Variants in ISLR2 observed in about 807,000 individuals in gnomAD.
The protein encoded by ISLR2 is immunoglobulin superfamily containing leucine-rich repeat protein 2.
A neutral mutation model predicts 25.5 loss-of-function variants in ISLR2; 16 were observed. The ratio of observed to expected loss-of-function variants is 0.63; its 90% confidence interval spans 0.43 to 0.95. ISLR2 has a LOEUF of 0.95. Ranked by LOEUF, ISLR2 falls within the 40% of genes least tolerant of loss-of-function variation. ISLR2 has a pLI of 0.00. For synonymous variants in ISLR2, 508 were observed against 486.6 expected (o/e 1.04, Z -0.58); for missense variants, 883 against 1,030.7 (o/e 0.86, Z 1.96).
intron 2 of ISLR2, among the ~76,000 whole-genome samples, chr15:74,108,779 G>A (rs1475278795): frequency 6.6e-6 from 1 of 152,218 alleles, no homozygotes; most frequent in Non-Finnish European, 1.5e-5. Context: ...AGACTATGAG[G>A]TGCCCTCTGG....
At chr15:74,130,420 C>G (rs1172437105), upstream of ISLR2, 3 of 152,170 alleles carry the variant, frequency 2.0e-5, no homozygotes, top group African/African-American at 4.8e-5. Flanking sequence ...GGGTCCCGCT[C>G]GAAGTCTGTC....
chr15:74,128,195 G>A, upstream of ISLR2: 1 of 317,942 alleles, frequency 3.1e-6, no homozygotes, highest in Non-Finnish European at 6.0e-6. Context: ...GAGCTCGGAG[G>A]CAGATCCAGA....
chr15:74,109,199 T>A (rs1283184123), intron 2 of ISLR2, among the ~76,000 whole-genome samples: 1 of 152,190 alleles, frequency 6.6e-6, no homozygotes, highest in African/African-American at 2.4e-5. Flanking sequence ...CACAAGATAG[T>A]ATCCTTCCCC....
At position 74,134,615 on chromosome 15, in the gene ISLR2, C is replaced by T. The variant is rs1338837287; in HGVS notation, c.1861C>T (p.Pro621Ser). The T allele has an allele frequency of 5.6e-6, 9 of 1,614,010 alleles. No individual in the cohort carries two copies. Among genetic ancestry groups the T allele is most frequent in the Non-Finnish European group, 7.6e-6 (9 of 1,180,038 alleles). ...AACCHLLAKH[P>S]GKPYRLILRP... Reference sequence around the variant, plus strand: ...CTGCTGCCATCTGCTGGCTAAACACCCGGGCAAGCCCTACCGTCTGATCCT... The same window carrying T: ...CTGCTGCCATCTGCTGGCTAAACACTCGGGCAAGCCCTACCGTCTGATCCT... The change falls in exon 3 of 3, where the codon CCG (proline) becomes TCG (serine). Residue 621 changes from proline to serine, a missense_variant. Pro to Ser is a moderately conservative substitution (Grantham distance 74). Coordinates refer to ENST00000453268, the MANE Select transcript of ISLR2 (RefSeq NM_020851.3).
At chr15:74,104,151 CCA>C (rs2072101985) in intron 2 of ISLR2, among the ~76,000 whole-genome samples, 1 of 152,160 alleles carries the variant, frequency 6.6e-6, no homozygotes, top group Non-Finnish European at 1.5e-5. Context: ...TAACATTGTT[CCA>C]GAGGGTTTTA....
chr15:74,119,740 A>G (rs1276035375), intron 2 of ISLR2, among the ~76,000 whole-genome samples: 1 of 152,254 alleles, frequency 6.6e-6, no homozygotes, highest in Non-Finnish European at 1.5e-5. Flanking sequence ...TTTGTCAATT[A>G]TACTTTAATA....
At chr15:74,111,738 T>A (rs1295017673) in intron 2 of ISLR2, among the ~76,000 whole-genome samples, 1 of 152,182 alleles carries the variant, frequency 6.6e-6, no homozygotes, top group Non-Finnish European at 1.5e-5. Flanking sequence ...GCCTGGCTAA[T>A]TTTTCCATTT....
intron 2 of ISLR2, among the ~76,000 whole-genome samples, chr15:74,122,436 G>C (rs1254267726): frequency 1.3e-5 from 2 of 152,238 alleles, no homozygotes; most frequent in East Asian, 3.8e-4. Context: ...TGACTGCTGT[G>C]CATCTGTGGA....
chr15:74,112,542 TTG>T (rs2072176313), intron 2 of ISLR2, among the ~76,000 whole-genome samples: 9 of 151,544 alleles, frequency 5.9e-5, no homozygotes, highest in Non-Finnish European at 3.0e-5. Flanking sequence ...TTTTTTTTTT[TTG>T]GAAATGGATT....
upstream of ISLR2, chr15:74,129,442 G>T (rs949488947): frequency 5.2e-6 from 1 of 193,616 alleles, no homozygotes; most frequent in Non-Finnish European, 1.1e-5. The surrounding 1 kb of genome is among the most constrained non-coding windows in gnomAD (Gnocchi z 4.5). Context: ...CATGGCCCGG[G>T]GTGATGGCTG....
In ISLR2 at chr15:74,134,144, C is replaced by A. The variant is rs1010480918; in HGVS notation, c.1390C>A (p.Pro464Thr). The change falls in exon 3 of 3, where the codon CCC becomes ACC. Residue 464 changes from proline (P) to threonine (T), a missense_variant. Transcript: ENST00000453268. ...GGAGCAGCGCTGTGGCAACGGGGACCCCTCTCGGTACGTTTCTAACCACGC... is the reference window on the plus strand; with the variant it reads ...GGAGCAGCGCTGTGGCAACGGGGACACCTCTCGGTACGTTTCTAACCACGC... ...AEEQRCGNGD[P>T]SRYVSNHAFN... The A allele has an allele frequency of 6.2e-7, 1 of 1,613,486 alleles. No individual in the cohort carries two copies. Among genetic ancestry groups the A allele is most frequent in the Admixed American group, 1.7e-5 (1 of 59,952 alleles).
rs773536243 is a variant in ISLR2, at chr15:74,119,385, A to T, written n.229-11822A>T. ...ACCACCATGCCTGGCTAATTTTTAAATTTTTTGTAGAAATTGGATCTCCCT... is the reference window on the plus strand; with the variant it reads ...ACCACCATGCCTGGCTAATTTTTAATTTTTTTGTAGAAATTGGATCTCCCT... On this transcript the variant is annotated intron_variant and non_coding_transcript_variant, in intron 2 of 3. Coordinates refer to the ISLR2 transcript ENST00000561975. Among the ~76,000 whole-genome samples, 139 of 152,074 alleles carry T rather than the reference A, an allele frequency of 9.1e-4. 1 individual carries two copies. Among genetic ancestry groups the T allele is most frequent in the Non-Finnish European group, 1.6e-3 (106 of 67,986 alleles).
chr15:74,110,229 C>T (rs190084561), intron 2 of ISLR2, among the ~76,000 whole-genome samples: 21 of 152,210 alleles, frequency 1.4e-4, no homozygotes, highest in Admixed American at 7.9e-4. Flanking sequence ...CAAATAATGG[C>T]GAGGATGCAG....
At position 74,134,458 on chromosome 15, in the gene ISLR2, G is replaced by A; in HGVS notation, c.1704G>A (p.Leu568=). The change falls in exon 3 of 3, where the codon CTG becomes CTA. Residue 568 remains leucine (L), a synonymous_variant. Coordinates refer to ENST00000453268, the MANE Select transcript of ISLR2 (RefSeq NM_020851.3). Reference sequence around the variant, plus strand: ...CGGGTACCAACTACTCCGTGTGCCTGGCGCTGGCGGGCGAAGCCTGCCACG... The same window carrying A: ...CGGGTACCAACTACTCCGTGTGCCTAGCGCTGGCGGGCGAAGCCTGCCACG... ...LRPGTNYSVC[L]ALAGEACHVQ... 1 of 1,607,180 alleles carries A rather than the reference G, an allele frequency of 6.2e-7. No homozygotes were observed. The highest frequency in any genetic ancestry group is 8.5e-7 in the Non-Finnish European group (1 of 1,178,288).
At chr15:74,127,967 G>T (rs2072321163), upstream of ISLR2, 1 of 164,598 alleles carries the variant, frequency 6.1e-6, no homozygotes. Context: ...CTGCGCTAGC[G>T]GCTTGGAACC....
At position 74,133,057 on chromosome 15, in the gene ISLR2, C is replaced by G. The variant is rs2072464020; in HGVS notation, c.303C>G (p.Leu101=). 3 of 1,613,148 alleles carry G rather than the reference C, an allele frequency of 1.9e-6. No homozygotes were observed. Among genetic ancestry groups the G allele is most frequent in the Non-Finnish European group, 2.5e-6 (3 of 1,179,972 alleles). ...GCGCACTGGCCGTGCTGAGTCAGCTCAAGAACCTCGATCTGAGCCACAACT... is the reference window on the plus strand; with the variant it reads ...GCGCACTGGCCGTGCTGAGTCAGCTGAAGAACCTCGATCTGAGCCACAACT... ...EPGALAVLSQ[L]KNLDLSHNFI... Residue 101 remains leucine (L), a synonymous_variant, in exon 3 of 3, where the codon CTC becomes CTG. Transcript: ENST00000453268.
At chr15:74,111,627 C>CA (rs2072168731) in intron 2 of ISLR2, among the ~76,000 whole-genome samples, 1 of 151,210 alleles carries the variant, frequency 6.6e-6, no homozygotes, top group Non-Finnish European at 1.5e-5. Context: ...TTCATTCATT[C>CA]TTTGAGACAG....
rs1293402732 is a variant in ISLR2, at chr15:74,136,754, C to G, written c.*1762C>G. The G allele has an allele frequency of 6.0e-6, 1 of 167,148 alleles. No homozygotes were observed. Among genetic ancestry groups the G allele is most frequent in the Non-Finnish European group, 1.5e-5 (1 of 68,210 alleles). The allele number at this position is 167,148 out of a possible 1,614,324, so 10.4% of individuals were successfully genotyped here. ...ACGGAGTAGCCCCCCGGAGCCCGTG[C>G]CCTTTTCTAAACGCGTCTGTATGCA... On this transcript the variant is annotated 3_prime_UTR_variant, in exon 3 of 3. Coordinates refer to ENST00000453268, the MANE Select transcript of ISLR2 (RefSeq NM_020851.3).
intron 2 of ISLR2, among the ~76,000 whole-genome samples, chr15:74,120,572 A>T (rs1396352607): frequency 6.6e-6 from 1 of 150,440 alleles, no homozygotes; most frequent in African/African-American, 2.4e-5. Context: ...GGCAGAGGGT[A>T]GGTGAGGGGG....
Sources: gnomAD v4.1 joint callset for allele counts (sites outside exome capture counted in the v4.1 genomes callset) on GRCh38, gnomAD v4.1.1 for gene constraint, Gnocchi (gnomAD v3.1) non-coding constraint, MANE v1.5 for transcripts, NCBI Gene and HGNC (gene_info 2026-07-23, HGNC 2026-07-21) for gene names.